The following INPP4A variants were observed in gnomAD, a reference collection of about 807,000 sequenced individuals.
The protein encoded by INPP4A is inositol polyphosphate-4-phosphatase type I A.
A neutral mutation model predicts 119.8 loss-of-function variants in INPP4A; 33 were observed. The observed-to-expected ratio is 0.28, with a 90% confidence interval of 0.21 to 0.37. The LOEUF (loss-of-function observed/expected upper bound fraction) is 0.37. Among genes scored for constraint, INPP4A ranks in the 10% least tolerant of loss-of-function variants. The pLI is 1.00. For missense variants in INPP4A, 956 were observed against 1,289.9 expected (o/e 0.74, Z 3.97); for synonymous variants, 496 against 500.7 (o/e 0.99, Z 0.12).
intron 1 of INPP4A, among the ~76,000 whole-genome samples, chr2:98,484,098 G>C (rs1574660519): frequency 1.3e-5 from 2 of 151,932 alleles, no homozygotes; most frequent in Admixed American, 1.3e-4. Context: ...CGCTTTGACC[G>C]GTGACTACCA....
At chr2:98,471,865 T>C (rs528201141) in intron 1 of INPP4A, among the ~76,000 whole-genome samples, 1 of 152,284 alleles carries the variant, frequency 6.6e-6, no homozygotes, top group Admixed American at 6.5e-5. Flanking sequence ...CCAAGCAAAC[T>C]GCCAGGGGTG....
intron 24 of INPP4A, among the ~76,000 whole-genome samples, chr2:98,583,118 C>T (rs112135373): frequency 3.3e-5 from 5 of 152,328 alleles, no homozygotes; most frequent in East Asian, 1.9e-4. Flanking sequence ...TAGATTTACT[C>T]TTCACTATGT....
At chr2:98,537,253 G>C (rs1390842349) in intron 7 of INPP4A, among the ~76,000 whole-genome samples, 4 of 152,214 alleles carry the variant, frequency 2.6e-5, no homozygotes, top group Non-Finnish European at 4.4e-5. Context: ...AAGTTCCAGG[G>C]TGTCCCCAGG....
At chr2:98,541,327 A>G (rs1342925990) in intron 10 of INPP4A, among the ~76,000 whole-genome samples, 1 of 143,766 alleles carries the variant, frequency 7.0e-6, no homozygotes, top group Non-Finnish European at 1.5e-5. Flanking sequence ...ACTCCGTCTC[A>G]AAAAAAAAAA....
chr2:98,480,395 T>A (rs1678167713), intron 1 of INPP4A, among the ~76,000 whole-genome samples: 1 of 152,214 alleles, frequency 6.6e-6, no homozygotes, highest in African/African-American at 2.4e-5. Flanking sequence ...AGGGAAGGGA[T>A]GCTCAGAGAG....
chr2:98,558,736 C>T (rs1190064186), intron 16 of INPP4A, among the ~76,000 whole-genome samples: 2 of 152,080 alleles, frequency 1.3e-5, no homozygotes, highest in South Asian at 2.1e-4. Context: ...AGATGGTGCA[C>T]CCAGTTAATG....
chr2:98,581,793 C>T (rs1559120373), intron 24 of INPP4A: 2 of 1,586,008 alleles, frequency 1.3e-6, no homozygotes, highest in African/African-American at 2.7e-5. Flanking sequence ...ACAAGAAAAA[C>T]AAAAGTGCCA....
chr2:98,565,796 C>T (rs759374549), intron 20 of INPP4A, 30 bp downstream of exon 20: 35 of 1,599,656 alleles, frequency 2.2e-5, no homozygotes, highest in African/African-American at 5.4e-5. Context: ...TTCTCTGAGC[C>T]AGAGAGCGGT....
At chr2:98,511,200 C>T (rs1230977417) in intron 1 of INPP4A, among the ~76,000 whole-genome samples, 1 of 152,152 alleles carries the variant, frequency 6.6e-6, no homozygotes, top group East Asian at 1.9e-4. Flanking sequence ...GCTGGGACTA[C>T]AGGCACGTGC....
chr2:98,506,561 A>G (rs1298233151), intron 1 of INPP4A, among the ~76,000 whole-genome samples: 3 of 152,198 alleles, frequency 2.0e-5, no homozygotes, highest in East Asian at 1.9e-4. Flanking sequence ...GTTTCCTCCC[A>G]TGGAGACCAG....
chr2:98,508,320 GC>G (rs1368534785), intron 1 of INPP4A, among the ~76,000 whole-genome samples: 2 of 152,190 alleles, frequency 1.3e-5, no homozygotes, highest in Non-Finnish European at 2.9e-5. Flanking sequence ...GGCACACCCA[GC>G]CTGCTTTGGG....
At chr2:98,494,480 C>T (rs140162195) in intron 1 of INPP4A, among the ~76,000 whole-genome samples, 2 of 152,258 alleles carry the variant, frequency 1.3e-5, no homozygotes, top group Admixed American at 6.5e-5. Context: ...GGGACACAGT[C>T]TGTGCGCCCA....
chr2:98,469,801 T>C (rs1435748396), intron 1 of INPP4A, among the ~76,000 whole-genome samples: 1 of 152,020 alleles, frequency 6.6e-6, no homozygotes, highest in Non-Finnish European at 1.5e-5. Flanking sequence ...AGAAATTCCG[T>C]CTCAAACAAC....
chr2:98,504,573 C>T (rs1369726736), intron 1 of INPP4A, among the ~76,000 whole-genome samples: 2 of 152,230 alleles, frequency 1.3e-5, no homozygotes, highest in East Asian at 3.9e-4. Flanking sequence ...CCCCAGTCTC[C>T]TGGCTTACTG....
At chr2:98,498,361 T>C (rs1682458944) in intron 1 of INPP4A, among the ~76,000 whole-genome samples, 1 of 152,150 alleles carries the variant, frequency 6.6e-6, no homozygotes, top group African/African-American at 2.4e-5. Flanking sequence ...CTTTCTGCGA[T>C]GTAAGATGTG....
Position 98,576,999 on chromosome 2 carries a change from G to T in INPP4A, c.2642G>T (p.Arg881Leu). 1 of 1,612,252 alleles carries T rather than the reference G, an allele frequency of 6.2e-7. No homozygotes were observed. Among genetic ancestry groups the T allele is most frequent in the Non-Finnish European group, 8.5e-7 (1 of 1,178,580 alleles). ...ILWQAAEICR[R>L]LNGVRFTSCK... Reference sequence around the variant, plus strand: ...TGTTTCTGTTGGCAGATCTGCCGCCGCCTTAATGGGGTCCGGTTCACCAGC... The same window carrying T: ...TGTTTCTGTTGGCAGATCTGCCGCCTCCTTAATGGGGTCCGGTTCACCAGC... The change falls in exon 24 of 25, where the codon CGC becomes CTC. Residue 881 changes from arginine to leucine, a missense_variant. Around this residue, in one of 2 missense-constraint regions of INPP4A, gnomAD observed 304 missense variants for 492.1 expected, o/e 0.62. Coordinates refer to ENST00000409851, the MANE Select transcript of INPP4A (RefSeq NM_001134225.2).
intron 13 of INPP4A, chr2:98,548,840 C>A: frequency 1.0e-6 from 1 of 991,030 alleles, no homozygotes; most frequent in South Asian, 1.4e-5. Context: ...GGGACCTCAA[C>A]AAATAATTTT....
intron 5 of INPP4A, 107 bp downstream of exon 5, chr2:98,533,602 G>T: frequency 1.4e-6 from 1 of 702,684 alleles, no homozygotes; most frequent in East Asian, 2.6e-5. Flanking sequence ...CTGTATTTAC[G>T]TGAGTTGTTG....
In INPP4A at chr2:98,578,686, C is replaced by T. The variant is rs988061652; in HGVS notation, c.2786+1543C>T. On this transcript the variant is annotated intron_variant, in intron 24 of 24. Coordinates refer to ENST00000409851, the MANE Select transcript of INPP4A (RefSeq NM_001134225.2). The stretch of plus-strand genomic sequence containing the variant: ...GTGCTCAGGACAGCCGTTACAGTTA[C>T]AGCTGTTAGGATGTATAGTGCACAA... 6.6e-5 allele frequency among the ~76,000 whole-genome samples: 10 copies of T among 152,374 alleles called. 1 individual carries two copies. Among genetic ancestry groups the T allele is most frequent in the Admixed American group, 6.5e-4 (10 of 15,306 alleles).
Sources: allele counts gnomAD v4.1 joint callset (sites outside exome capture counted in the v4.1 genomes callset), GRCh38; gene constraint gnomAD v4.1.1; regional missense constraint gnomAD v4.1.1; transcripts MANE v1.5; gene names NCBI Gene and HGNC (gene_info 2026-07-23, HGNC 2026-07-21).